The following SLC66A2 variants were observed in gnomAD, a reference collection of about 807,000 sequenced individuals.
SLC66A2 encodes PQ loop repeat containing 1.
In SLC66A2, 23 loss-of-function variants were observed where a neutral mutation model predicts 25.5. The observed-to-expected ratio is 0.90, with a 90% CI of 0.65 to 1.28. The LOEUF is 1.28. SLC66A2 is among the 50% of genes most tolerant of loss of function. The pLI is 0.00. For missense variants in SLC66A2, 396 were observed against 373.1 expected, an observed-to-expected ratio of 1.06 and a Z score of -0.51; for synonymous variants, 193 against 166.5, an observed-to-expected ratio of 1.16 and a Z score of -1.23.
chr18:79,928,114 C>G (rs1351289043), intron 4 of SLC66A2, among the ~76,000 whole-genome samples: 1 of 152,246 alleles, frequency 6.6e-6, no homozygotes, highest in Non-Finnish European at 1.5e-5. Flanking sequence ...CCATGGCCCT[C>G]CAGCCTGAAC....
Position 79,943,341 on chromosome 18 carries a change from G to T in SLC66A2, c.325C>A (p.Arg109Ser). The change falls in exon 3 of 6, where the codon CGC becomes AGC. Residue 109 changes from arginine to serine, a missense_variant. Transcript: ENST00000397778. Reference sequence around the variant, plus strand: ...GCCGGCCACCAACCTGTAAAGGAGCGGCGCCTGGCGTTGAGCTCGTTGGCC... The same window carrying T: ...GCCGGCCACCAACCTGTAAAGGAGCTGCGCCTGGCGTTGAGCTCGTTGGCC... ...RVANELNARRRSFTAADSKDE... is the reference protein window; with the variant it reads ...RVANELNARRSSFTAADSKDE... The T allele has an allele frequency of 6.2e-7, 1 of 1,614,112 alleles. No individual in the cohort carries two copies. The highest frequency in any genetic ancestry group is 8.5e-7 in the Non-Finnish European group (1 of 1,180,010).
At position 79,950,861 on chromosome 18, in the gene SLC66A2, G is replaced by C; in HGVS notation, c.66C>G (p.Ala22=). 1 of 1,609,196 alleles carries C rather than the reference G, an allele frequency of 6.2e-7. No individual in the cohort carries two copies. The highest frequency in any genetic ancestry group is 8.5e-7 in the Non-Finnish European group (1 of 1,178,516). The part of the protein sequence containing the change: ...PLHQLVSWGA[A]AAMVFGGVVP... ...CCACCCCTCCGAAGACCATGGCCGC[G>C]GCCGCGCCCCAGGACACCAGCTGGT... Residue 22 remains alanine (A), a synonymous_variant, in exon 2 of 6, where the codon GCC becomes GCG. Transcript: ENST00000397778.
intron 4 of SLC66A2, among the ~76,000 whole-genome samples, chr18:79,929,679 G>A (rs766359702): frequency 1.3e-5 from 2 of 151,906 alleles, no homozygotes; most frequent in Non-Finnish European, 2.9e-5. Context: ...AATAACTAAA[G>A]GGATCCATGC....
At position 79,951,211 on chromosome 18, in the gene SLC66A2, G is replaced by C. The variant is rs564188776; in HGVS notation, c.-99-186C>G. Reference sequence around the variant, plus strand: ...CTGGGGGTCCCGAGACGCTCCCGGAGGGGGCTGGGGAGGGGTCCCAGCGCC... The same window carrying C: ...CTGGGGGTCCCGAGACGCTCCCGGACGGGGCTGGGGAGGGGTCCCAGCGCC... On this transcript the variant is annotated intron_variant, in intron 1 of 5. Coordinates refer to ENST00000397778, the MANE Select transcript of SLC66A2 (RefSeq NM_025078.5). Among the ~76,000 whole-genome samples, 71 of 151,918 alleles carry C rather than the reference G, an allele frequency of 4.7e-4. 1 individual carries two copies. In the South Asian group the frequency reaches 0.014, roughly 31 times the overall value.
intron 3 of SLC66A2, among the ~76,000 whole-genome samples, chr18:79,939,456 A>G (rs1283195152): frequency 1.3e-5 from 2 of 152,258 alleles, no homozygotes; most frequent in Non-Finnish European, 2.9e-5. Context: ...CAGACAACCT[A>G]CAGATGGGAG....
intron 2 of SLC66A2, among the ~76,000 whole-genome samples, chr18:79,950,516 C>T (rs9966023): frequency 0.13 from 19,893 of 152,172 alleles, 1,364 homozygotes; most frequent in East Asian, 0.22. Flanking sequence ...CTCTGAGATT[C>T]TGTGCTCCAA....
At chr18:79,911,151 G>A (rs909693506) in intron 5 of SLC66A2, among the ~76,000 whole-genome samples, 11 of 152,216 alleles carry the variant, frequency 7.2e-5, no homozygotes, top group African/African-American at 1.7e-4. Context: ...ATCGGGGGTC[G>A]GGGCCACTCC....
chr18:79,916,573 C>T (rs1178826416), intron 5 of SLC66A2, among the ~76,000 whole-genome samples: 1 of 152,242 alleles, frequency 6.6e-6, no homozygotes, highest in East Asian at 1.9e-4. Flanking sequence ...TCCATCACGC[C>T]TATCCAATGA....
At chr18:79,915,066 A>C (rs1015844959) in intron 5 of SLC66A2, among the ~76,000 whole-genome samples, 10 of 152,220 alleles carry the variant, frequency 6.6e-5, no homozygotes, top group African/African-American at 2.4e-4. Flanking sequence ...GAACCCTCCC[A>C]AAACCTTCCC....
rs1470181563 is a variant in SLC66A2, at chr18:79,934,152, T to C, written c.338-130A>G. The C allele has an allele frequency of 5.2e-6, 4 of 763,706 alleles. No individual in the cohort carries two copies. The African/African-American group carries it at 7.2e-5, about 14-fold the overall frequency. 47.3% of individuals were successfully genotyped at this position (763,706 alleles called of 1,614,324 possible). A position where few individuals can be genotyped will look rare whatever the true frequency, so the allele number is the denominator to read the frequency against. On this transcript the variant is annotated intron_variant, in intron 3 of 5. Transcript: ENST00000397778. ...TTAAAAAAAAAAAAACAAACCAGAA[T>C]AGAAAGATCACAAGATTTTGGTTTT...
chr18:79,950,659 C>G (rs1049715036), intron 2 of SLC66A2, 65 bp downstream of exon 2: 13 of 1,561,152 alleles, frequency 8.3e-6, no homozygotes, highest in Admixed American at 1.7e-5. Context: ...CGGCCTCAAC[C>G]AGAAACCCCA....
At chr18:79,949,251 C>T (rs2051035062) in intron 2 of SLC66A2, among the ~76,000 whole-genome samples, 1 of 152,146 alleles carries the variant, frequency 6.6e-6, no homozygotes, top group Non-Finnish European at 1.5e-5. Flanking sequence ...ATGAAGGCCA[C>T]GGAGCAGGGA....
At chr18:79,920,229 A>G (rs867296559) in intron 4 of SLC66A2, among the ~76,000 whole-genome samples, 3 of 37,176 alleles carry the variant, frequency 8.1e-5, no homozygotes, top group Non-Finnish European at 1.1e-4. Flanking sequence ...AAGGTCAGTG[A>G]GGAGAGACGG....
In SLC66A2 at chr18:79,917,210, G is replaced by C. The variant is rs917095321; in HGVS notation, c.608+1974C>G. Among the ~76,000 whole-genome samples the C allele has an allele frequency of 3.3e-5, 5 of 152,246 alleles. No individual in the cohort carries two copies. The highest frequency in any genetic ancestry group is 7.3e-5 in the Non-Finnish European group (5 of 68,036). ...GCCTCGGCCAGCATCTGGAAACTCGGGTTTGAAGAGGATTCCCACGTCCCC... is the reference window on the plus strand; with the variant it reads ...GCCTCGGCCAGCATCTGGAAACTCGCGTTTGAAGAGGATTCCCACGTCCCC... On this transcript the variant is annotated intron_variant, in intron 5 of 5. Coordinates refer to ENST00000397778, the MANE Select transcript of SLC66A2 (RefSeq NM_025078.5). This position sits in a 1 kb window ranked among gnomAD's most constrained non-coding sequence, Gnocchi z 6.0.
chr18:79,904,236 C>G lies in SLC66A2; in HGVS notation c.609-53G>C. On this transcript the variant is annotated intron_variant, in intron 5 of 5. Coordinates refer to ENST00000397778, the MANE Select transcript of SLC66A2 (RefSeq NM_025078.5). This position sits in a 1 kb window ranked among gnomAD's most constrained non-coding sequence, Gnocchi z 6.3. Reference sequence around the variant, plus strand: ...GGTGGGGAGGGCGGCGACCTGGGCTCAGTCAGTGGGGAGGCCTGGGGCTTA... The same window carrying G: ...GGTGGGGAGGGCGGCGACCTGGGCTGAGTCAGTGGGGAGGCCTGGGGCTTA... 1 of 1,528,394 alleles carries G rather than the reference C, an allele frequency of 6.5e-7. No individual in the cohort carries two copies. Among genetic ancestry groups the G allele is most frequent in the Non-Finnish European group, 9.0e-7 (1 of 1,106,062 alleles). The allele number at this position is 1,528,394 out of a possible 1,614,324, so 94.7% of individuals were successfully genotyped here.
chr18:79,941,198 C>A lies in SLC66A2; in HGVS notation c.337+2131G>T, dbSNP rs543889754. On this transcript the variant is annotated intron_variant, in intron 3 of 5. Transcript: ENST00000397778. This position sits in a 1 kb window ranked among gnomAD's most constrained non-coding sequence, Gnocchi z 4.1. ...CCATTCAAGTACAGGCAGAACTCAG[C>A]TCCCCGTGGTCGGGGGCTCTGCTGC... is the stretch of plus-strand genomic sequence containing the variant. Among the ~76,000 whole-genome samples, 1 of 152,240 alleles carries A rather than the reference C, an allele frequency of 6.6e-6. No homozygotes were observed. The highest frequency in any genetic ancestry group is 6.5e-5 in the Admixed American group (1 of 15,290).
chr18:79,933,053 A>G (rs889051000), intron 4 of SLC66A2, among the ~76,000 whole-genome samples: 10 of 152,228 alleles, frequency 6.6e-5, no homozygotes, highest in Non-Finnish European at 4.4e-5. Context: ...TCCCCAATAC[A>G]ATACTAGCAA....
At chr18:79,933,761 CACAG>C (rs768917167) in intron 4 of SLC66A2, among the ~76,000 whole-genome samples, 4 of 152,150 alleles carry the variant, frequency 2.6e-5, no homozygotes, top group Non-Finnish European at 4.4e-5. Context: ...TCTCCCCACA[CACAG>C]AAGAGCATGG....
chr18:79,922,779 A>C (rs1985402916), intron 4 of SLC66A2, among the ~76,000 whole-genome samples: 3 of 119,564 alleles, frequency 2.5e-5, no homozygotes, highest in African/African-American at 9.2e-5. Context: ...GGGTGATGGG[A>C]GGCGGTGAGG....
Sources: allele counts gnomAD v4.1 joint callset (sites outside exome capture counted in the v4.1 genomes callset), GRCh38; gene constraint gnomAD v4.1.1; non-coding constraint Gnocchi (gnomAD v3.1); transcripts MANE v1.5; gene names NCBI Gene and HGNC (gene_info 2026-07-23, HGNC 2026-07-21).